Variants in MB21D2 observed in about 807,000 individuals in gnomAD.
The protein encoded by MB21D2 is Mab-21 domain containing 2, also known as nucleotidyltransferase MB21D2.
In MB21D2, 9 loss-of-function variants were observed where a neutral mutation model predicts 33.3. The observed-to-expected ratio is 0.27, with a 90% CI of 0.16 to 0.47. The LOEUF (loss-of-function observed/expected upper bound fraction) is 0.47, where lower values mean the gene tolerates loss of function less well. MB21D2 is among the 20% of genes least tolerant of loss of function. The pLI is 0.99. For synonymous variants in MB21D2, 241 were observed against 236.3 expected, an observed-to-expected ratio of 1.02 and a Z score of -0.18; for missense variants, 540 against 624.6, an observed-to-expected ratio of 0.86 and a Z score of 1.44.
intron 1 of MB21D2, among the ~76,000 whole-genome samples, chr3:192,907,057 T>C (rs970020047): frequency 6.6e-6 from 1 of 152,228 alleles, no homozygotes; most frequent in Non-Finnish European, 1.5e-5. Context: ...CCTAGTTATC[T>C]CTTTATCTTC....
chr3:192,836,545 A>G (rs1291872302), intron 1 of MB21D2, among the ~76,000 whole-genome samples: 45 of 152,238 alleles, frequency 3.0e-4, no homozygotes. Context: ...CTGGATGCAC[A>G]AGGGTGCACA....
At chr3:192,884,491 C>T (rs922173152) in intron 1 of MB21D2, among the ~76,000 whole-genome samples, 5 of 151,682 alleles carry the variant, frequency 3.3e-5, no homozygotes, top group South Asian at 2.1e-4. Flanking sequence ...CTCAGCCTCC[C>T]GAGTAGCTGG....
In MB21D2 at chr3:192,808,392, G is replaced by A. The variant is rs576196241; in HGVS notation, c.212-8742C>T. 2.0e-5 allele frequency among the ~76,000 whole-genome samples: 3 copies of A among 152,282 alleles called. No homozygotes were observed. The East Asian group carries it at 5.8e-4, about 29-fold the overall frequency. On this transcript the variant is annotated intron_variant, in intron 1 of 1. Coordinates refer to ENST00000392452, the MANE Select transcript of MB21D2 (RefSeq NM_178496.4). Reference sequence around the variant, plus strand: ...TGAAAATTATTTAGCCTGAAAAATGGAAAATTCAAAAAGGCTATGAGAGCC... The same window carrying A: ...TGAAAATTATTTAGCCTGAAAAATGAAAAATTCAAAAAGGCTATGAGAGCC...
At chr3:192,830,267 T>G (rs74957170) in intron 1 of MB21D2, among the ~76,000 whole-genome samples, 16 of 145,834 alleles carry the variant, frequency 1.1e-4, no homozygotes, top group Middle Eastern at 3.6e-3. Flanking sequence ...TGTGTGTGTG[T>G]GTGGGTGTCA....
intron 1 of MB21D2, among the ~76,000 whole-genome samples, chr3:192,851,419 A>G (rs1712800534): frequency 6.6e-6 from 1 of 151,922 alleles, no homozygotes; most frequent in African/African-American, 2.4e-5. Flanking sequence ...AAATATTCCA[A>G]AATTAGAGAG....
intron 1 of MB21D2, among the ~76,000 whole-genome samples, chr3:192,856,078 T>C (rs1025926566): frequency 7.2e-5 from 11 of 152,086 alleles, no homozygotes; most frequent in African/African-American, 2.7e-4. Flanking sequence ...AAAAACTTAA[T>C]AAGAAAATAA....
chr3:192,805,130 T>C (rs978853338), intron 1 of MB21D2, among the ~76,000 whole-genome samples: 2 of 152,196 alleles, frequency 1.3e-5, no homozygotes, highest in African/African-American at 4.8e-5. Flanking sequence ...CCCATGACAA[T>C]GCACAATGGC....
chr3:192,893,644 C>A (rs968672450), intron 1 of MB21D2, among the ~76,000 whole-genome samples: 5 of 152,216 alleles, frequency 3.3e-5, no homozygotes, highest in Admixed American at 2.6e-4. Context: ...GTGGGCTTCA[C>A]TGCCCATTTC....
chr3:192,910,082 G>T (rs893121442), intron 1 of MB21D2, among the ~76,000 whole-genome samples: 1 of 151,752 alleles, frequency 6.6e-6, no homozygotes, highest in African/African-American at 2.4e-5. Context: ...GGCATGGAAA[G>T]GTAGGTAAAA....
At chr3:192,837,632 C>A (rs1712469329) in intron 1 of MB21D2, among the ~76,000 whole-genome samples, 1 of 152,196 alleles carries the variant, frequency 6.6e-6, no homozygotes, top group South Asian at 2.1e-4. Flanking sequence ...AAATGACAAT[C>A]CCTGAATGAG....
At chr3:192,802,940 G>GT in intron 1 of MB21D2, among the ~76,000 whole-genome samples, 1 of 152,286 alleles carries the variant, frequency 6.6e-6, no homozygotes, top group South Asian at 2.1e-4. Context: ...CCTCTTAGGC[G>GT]TAACTAACTC....
At chr3:192,912,337 G>T (rs968287998) in intron 1 of MB21D2, among the ~76,000 whole-genome samples, 13 of 152,104 alleles carry the variant, frequency 8.5e-5, no homozygotes, top group Non-Finnish European at 1.8e-4. Flanking sequence ...GAAAAAAACA[G>T]AGGGAGAGAA....
At chr3:192,912,189 G>A (rs1450434402) in intron 1 of MB21D2, among the ~76,000 whole-genome samples, 1 of 152,242 alleles carries the variant, frequency 6.6e-6, no homozygotes, top group Middle Eastern at 3.2e-3. Flanking sequence ...GCTAGAGTTG[G>A]TGGGCAAAGG....
Position 192,799,074 on chromosome 3 carries a change from G to A in MB21D2, c.788C>T (p.Thr263Ile). The change falls in exon 2 of 2, where the codon ACT becomes ATT. Residue 263 changes from threonine (T) to isoleucine (I), a missense_variant. Physicochemically the swap from Thr to Ile is moderately conservative, Grantham distance 89. Coordinates refer to ENST00000392452, the MANE Select transcript of MB21D2 (RefSeq NM_178496.4). The surrounding 1 kb of genome is among the most constrained non-coding windows in gnomAD (Gnocchi z 4.1). The part of the protein sequence containing the change: ...MENHFWDGKI[T>I]EEEVISGFYL... ...AAACCCACTGATGACCTCTTCCTCA[G>A]TAATCTTCCCATCCCAAAAGTGGTT... The A allele has an allele frequency of 6.2e-7, 1 of 1,614,042 alleles. No homozygotes were observed. Among genetic ancestry groups the A allele is most frequent in the Middle Eastern group, 1.6e-4 (1 of 6,062 alleles).
At chr3:192,823,593 T>C (rs1712104924) in intron 1 of MB21D2, among the ~76,000 whole-genome samples, 1 of 152,148 alleles carries the variant, frequency 6.6e-6, no homozygotes, top group African/African-American at 2.4e-5. Context: ...AGGCAGAGGT[T>C]GCAGTGAGAC....
At chr3:192,894,729 T>A (rs530758428) in intron 1 of MB21D2, among the ~76,000 whole-genome samples, 4 of 152,246 alleles carry the variant, frequency 2.6e-5, no homozygotes, top group Admixed American at 6.5e-5. Flanking sequence ...CACCATTCTT[T>A]AAGAATCCTT....
At chr3:192,812,617 C>A (rs913526844) in intron 1 of MB21D2, among the ~76,000 whole-genome samples, 1 of 152,146 alleles carries the variant, frequency 6.6e-6, no homozygotes, top group East Asian at 1.9e-4. Context: ...GCAAGGGACT[C>A]ATATCACATT....
At chr3:192,878,985 A>C (rs561606264) in intron 1 of MB21D2, among the ~76,000 whole-genome samples, 1 of 152,146 alleles carries the variant, frequency 6.6e-6, no homozygotes, top group Non-Finnish European at 1.5e-5. Flanking sequence ...AGAAGAAGAA[A>C]AAAGAATCAC....
chr3:192,804,456 C>G (rs1711620825), intron 1 of MB21D2, among the ~76,000 whole-genome samples: 1 of 149,922 alleles, frequency 6.7e-6, no homozygotes, highest in Non-Finnish European at 1.5e-5. Flanking sequence ...CACACACACA[C>G]ACACACTTAC....
Sources: gnomAD v4.1 joint callset for allele counts (sites outside exome capture counted in the v4.1 genomes callset) on GRCh38, gnomAD v4.1.1 for gene constraint, Gnocchi (gnomAD v3.1) non-coding constraint, MANE v1.5 for transcripts, NCBI Gene and HGNC (gene_info 2026-07-23, HGNC 2026-07-21) for gene names.